The following CCDC141 variants were observed in gnomAD, a reference collection of about 807,000 sequenced individuals.
CCDC141 encodes the protein coiled-coil domain containing 141, also known as coiled-coil domain-containing protein 141.
Under a neutral mutation model 181.0 loss-of-function variants are expected in CCDC141, and 168 were observed. That is an observed-to-expected ratio of 0.93 (90% confidence interval 0.82 to 1.05). The LOEUF (loss-of-function observed/expected upper bound fraction) is 1.05. CCDC141 is among the 50% of genes least tolerant of loss of function. The probability of loss-of-function intolerance (pLI) is 0.00; values close to 1 mark genes in which losing one functional copy is unlikely to be tolerated. For missense variants in CCDC141, 1,902 were observed against 1,788.5 expected (o/e 1.06, Z -1.14); for synonymous variants, 666 against 642.3 (o/e 1.04, Z -0.56).
At chr2:178,972,482 G>A (rs1483776883) in intron 4 of CCDC141, among the ~76,000 whole-genome samples, 1 of 152,164 alleles carries the variant, frequency 6.6e-6, no homozygotes, top group Non-Finnish European at 1.5e-5. Context: ...GTACCCACAG[G>A]AAGTATAGAG....
At chr2:178,960,697 A>C (rs1006364654) in intron 5 of CCDC141, among the ~76,000 whole-genome samples, 4 of 152,152 alleles carry the variant, frequency 2.6e-5, no homozygotes, top group African/African-American at 7.2e-5. Flanking sequence ...ATGAGCTCTA[A>C]TGAGCCTGCA....
At chr2:178,990,775 G>C (rs1003469554) in intron 2 of CCDC141, among the ~76,000 whole-genome samples, 14 of 152,236 alleles carry the variant, frequency 9.2e-5, no homozygotes, top group African/African-American at 3.1e-4. Context: ...ATAAAGAGCA[G>C]AATGGTGCTT....
chr2:179,045,800 A>G (rs1032271386), intron 2 of CCDC141, among the ~76,000 whole-genome samples: 2 of 152,206 alleles, frequency 1.3e-5, no homozygotes, highest in African/African-American at 4.8e-5. Flanking sequence ...TTCTCAAAAG[A>G]AGACATTTAT....
intron 23 of CCDC141, chr2:178,835,623 C>T (rs1411278451): frequency 6.6e-6 from 1 of 152,152 alleles, no homozygotes; most frequent in Non-Finnish European, 1.5e-5. Context: ...AATCTGACGA[C>T]AAAACATTTG....
At chr2:178,989,173 C>T (rs1317636417) in intron 2 of CCDC141, among the ~76,000 whole-genome samples, 1 of 151,930 alleles carries the variant, frequency 6.6e-6, no homozygotes, top group Non-Finnish European at 1.5e-5. Flanking sequence ...AAAATTAAGA[C>T]TTTTGTGTAC....
Position 178,853,637 on chromosome 2 carries a change from G to C in CCDC141, c.3061-13C>G, listed in dbSNP as rs758513566. 2.5e-6 allele frequency: 4 copies of C among 1,605,092 alleles called. No homozygotes were observed. The highest frequency in any genetic ancestry group is 1.7e-4 in the Middle Eastern group (1 of 6,020). On this transcript the variant is annotated splice_polypyrimidine_tract_variant and intron_variant, in intron 19 of 23. Coordinates refer to ENST00000443758, the MANE Select transcript of CCDC141 (RefSeq NM_173648.4). Reference sequence around the variant, plus strand: ...ACCAAAAATGACACTAAATTTAAATGGGATAAAGCACAGATGAAAGAAATA... The same window carrying C: ...ACCAAAAATGACACTAAATTTAAATCGGATAAAGCACAGATGAAAGAAATA...
chr2:178,941,939 A>T, intron 6 of CCDC141, among the ~76,000 whole-genome samples: 1 of 123,926 alleles, frequency 8.1e-6, no homozygotes, highest in Admixed American at 1.0e-4. Context: ...AGCCTGAGTG[A>T]CAGAGAGAGA....
At chr2:179,030,282 T>A (rs566714146) in intron 2 of CCDC141, among the ~76,000 whole-genome samples, 12 of 152,214 alleles carry the variant, frequency 7.9e-5, no homozygotes, top group African/African-American at 2.9e-4. Context: ...GTATTATGCA[T>A]TCGTCACTCA....
At chr2:178,886,256 G>T (rs1686878012) in intron 10 of CCDC141, among the ~76,000 whole-genome samples, 1 of 152,082 alleles carries the variant, frequency 6.6e-6, no homozygotes, top group Admixed American at 6.5e-5. Context: ...AAGTGAAAGG[G>T]GTAGGAGGGA....
chr2:178,941,236 C>A (rs1403204598), intron 6 of CCDC141, among the ~76,000 whole-genome samples: 1 of 152,158 alleles, frequency 6.6e-6, no homozygotes, highest in East Asian at 1.9e-4. Flanking sequence ...AACTCATATT[C>A]CATCCATCTG....
chr2:178,898,303 G>A (rs986876541), intron 8 of CCDC141, among the ~76,000 whole-genome samples: 2 of 152,078 alleles, frequency 1.3e-5, no homozygotes, highest in African/African-American at 4.8e-5. Context: ...ATCACGTTAT[G>A]AGGCAGCATG....
intron 17 of CCDC141, among the ~76,000 whole-genome samples, chr2:178,860,755 C>T (rs1272499952): frequency 6.6e-6 from 1 of 151,760 alleles, no homozygotes; most frequent in South Asian, 2.1e-4. Flanking sequence ...TGCTTGAGGC[C>T]AGCCGCTAGC....
chr2:179,033,589 G>T (rs1575372928), intron 2 of CCDC141, among the ~76,000 whole-genome samples: 2 of 152,104 alleles, frequency 1.3e-5, no homozygotes, highest in Non-Finnish European at 2.9e-5. Context: ...GGGGATGGAT[G>T]GATTCTGTGT....
Position 178,869,172 on chromosome 2 carries a change from T to G in CCDC141, c.2339A>C (p.Gln780Pro), listed in dbSNP as rs142980709. ...HFHQKQKERI[Q>P]DYEDILYKVV... The stretch of plus-strand genomic sequence containing the variant: ...CTTGTACAGGATATCCTCGTAATCC[T>G]GGATTCTCTCTTTCTGTTTTTGATG... The change falls in exon 15 of 24, where the codon CAG becomes CCG. Residue 780 changes from glutamine (Q) to proline (P), a missense_variant. Coordinates refer to ENST00000443758, the MANE Select transcript of CCDC141 (RefSeq NM_173648.4). 1 of 1,613,466 alleles carries G rather than the reference T, an allele frequency of 6.2e-7. No homozygotes were observed. The highest frequency in any genetic ancestry group is 8.5e-7 in the Non-Finnish European group (1 of 1,179,788).
chr2:178,991,521 T>C (rs777366939), intron 2 of CCDC141, among the ~76,000 whole-genome samples: 2 of 152,146 alleles, frequency 1.3e-5, no homozygotes, highest in African/African-American at 2.4e-5. Flanking sequence ...GAATGATGGT[T>C]ACCAGAGGCT....
At position 178,878,039 on chromosome 2, in the gene CCDC141, C is replaced by T; in HGVS notation, c.1824G>A (p.Lys608=). The change falls in exon 12 of 24, where the codon AAG becomes AAA. Residue 608 remains lysine, a synonymous_variant. Coordinates refer to ENST00000443758, the MANE Select transcript of CCDC141 (RefSeq NM_173648.4). ...TCTTCTTTAAAAATAGCTGCCACTG[C>T]TTCTCAGCCGAGTCAGAACAATGCT... The part of the protein sequence containing the change: ...KAKHCSDSAE[K]QWQLFLKKSF... 2 of 1,613,912 alleles carry T rather than the reference C, an allele frequency of 1.2e-6. No individual in the cohort carries two copies. The highest frequency in any genetic ancestry group is 1.3e-5 in the African/African-American group (1 of 75,026).
intron 7 of CCDC141, among the ~76,000 whole-genome samples, chr2:178,918,247 CA>C (rs575602156): frequency 6.4e-4 from 92 of 143,560 alleles, no homozygotes; most frequent in Non-Finnish European, 6.3e-4. Flanking sequence ...CTGTCTCTAC[CA>C]AAAAAAAAAA....
At chr2:178,894,082 C>T (rs1393341644) in intron 8 of CCDC141, among the ~76,000 whole-genome samples, 1 of 152,140 alleles carries the variant, frequency 6.6e-6, no homozygotes, top group Admixed American at 6.6e-5. Flanking sequence ...GCTGAAAATG[C>T]TGCAGCCAAC....
At chr2:178,980,373 C>A (rs1691319353) in intron 2 of CCDC141, among the ~76,000 whole-genome samples, 2 of 152,006 alleles carry the variant, frequency 1.3e-5, no homozygotes, top group Non-Finnish European at 2.9e-5. Context: ...TGGCATGAAC[C>A]CAGGAGGTGG....
Sources: allele counts gnomAD v4.1 joint callset (sites outside exome capture counted in the v4.1 genomes callset), GRCh38; gene constraint gnomAD v4.1.1; transcripts MANE v1.5; gene names NCBI Gene and HGNC (gene_info 2026-07-23, HGNC 2026-07-21).